Variants in SUGCT observed in about 807,000 individuals in gnomAD.
The protein encoded by SUGCT is succinyl-CoA:glutarate-CoA transferase.
In SUGCT, 41 loss-of-function variants were observed where a neutral mutation model predicts 55.0. The observed-to-expected ratio is 0.74, with a 90% CI of 0.58 to 0.97. The LOEUF is 0.97. Ranked by LOEUF, SUGCT falls within the 50% of genes least tolerant of loss-of-function variation. The pLI is 0.00. For missense variants in SUGCT, 568 were observed against 547.8 expected, an observed-to-expected ratio of 1.04 and a Z score of -0.37; for synonymous variants, 187 against 200.4, an observed-to-expected ratio of 0.93 and a Z score of 0.56.
At chr7:40,834,775 C>T (rs1179745078) in intron 13 of SUGCT, among the ~76,000 whole-genome samples, 1 of 152,134 alleles carries the variant, frequency 6.6e-6, no homozygotes, top group African/African-American at 2.4e-5. Context: ...TTTCTTTTAA[C>T]CGGCAAAAGA....
At chr7:40,861,418 C>A (rs918818829), downstream of SUGCT, among the ~76,000 whole-genome samples, 3 of 152,160 alleles carry the variant, frequency 2.0e-5, no homozygotes, top group Admixed American at 2.0e-4. Context: ...ATAAAAAACA[C>A]CTGTGTCCAG....
In SUGCT at chr7:40,263,746, A is replaced by C. The variant is rs140287400; in HGVS notation, c.577-10767A>C. 4.6e-5 allele frequency among the ~76,000 whole-genome samples: 7 copies of C among 152,322 alleles called. No homozygotes were observed. The East Asian group carries it at 1.2e-3, about 25-fold the overall frequency. ...TCAGGCACTTACAAGGGATCTGGAG[A>C]ATGACACAAATCACTTTGTTACATT... On this transcript the variant is annotated intron_variant, in intron 7 of 13. Coordinates refer to ENST00000335693, the MANE Select transcript of SUGCT (RefSeq NM_001193313.2).
At chr7:40,258,859 T>C (rs1791019231) in intron 7 of SUGCT, among the ~76,000 whole-genome samples, 1 of 152,116 alleles carries the variant, frequency 6.6e-6, no homozygotes, top group Non-Finnish European at 1.5e-5. Context: ...ATGAAATCAG[T>C]AATGTGGAAG....
At chr7:40,950,908 C>G in the SUGCT span, among the ~76,000 whole-genome samples, 1 of 152,112 alleles carries the variant, frequency 6.6e-6, no homozygotes, top group Admixed American at 6.6e-5. Flanking sequence ...GGATATTGGA[C>G]TACAATTCTC....
chr7:40,518,956 TAA>T (rs2151570047), intron 12 of SUGCT, among the ~76,000 whole-genome samples: 1 of 152,216 alleles, frequency 6.6e-6, no homozygotes, highest in East Asian at 1.9e-4. Context: ...GGGAATATAA[TAA>T]GTTTTCTTTA....
chr7:40,852,714 T>G (rs889688371), intron 13 of SUGCT, among the ~76,000 whole-genome samples: 2 of 151,872 alleles, frequency 1.3e-5, no homozygotes, highest in African/African-American at 4.8e-5. Context: ...AGCTTAAGGA[T>G]CATCTAATCA....
intron 9 of SUGCT, among the ~76,000 whole-genome samples, chr7:40,360,240 C>T (rs1489698479): frequency 6.6e-6 from 1 of 152,220 alleles, no homozygotes; most frequent in African/African-American, 2.4e-5. Flanking sequence ...TCTAGAACTC[C>T]TGATTTCAAG....
At chr7:40,334,256 G>C (rs961238798) in intron 9 of SUGCT, among the ~76,000 whole-genome samples, 3 of 152,124 alleles carry the variant, frequency 2.0e-5, no homozygotes, top group African/African-American at 7.2e-5. Context: ...ATTCCTTTGG[G>C]TATATACCCA....
chr7:40,536,114 G>T (rs748764833), intron 12 of SUGCT, among the ~76,000 whole-genome samples: 1 of 152,174 alleles, frequency 6.6e-6, no homozygotes, highest in African/African-American at 2.4e-5. Context: ...CTTCCATTGT[G>T]TAGGTTCTGT....
At chr7:40,389,491 G>A (rs1166321539) in intron 9 of SUGCT, among the ~76,000 whole-genome samples, 3 of 122,262 alleles carry the variant, frequency 2.5e-5, no homozygotes, top group Non-Finnish European at 3.5e-5. Context: ...AAGAGTTACC[G>A]AACATATACC....
intron 7 of SUGCT, among the ~76,000 whole-genome samples, chr7:40,249,014 G>C (rs1790125554): frequency 6.6e-6 from 1 of 151,636 alleles, no homozygotes; most frequent in Non-Finnish European, 1.5e-5. Flanking sequence ...CCCTGGGCTG[G>C]ATGTGGTGGC....
the SUGCT span, among the ~76,000 whole-genome samples, chr7:40,930,558 G>A: frequency 2.0e-5 from 3 of 152,136 alleles, no homozygotes; most frequent in African/African-American, 7.2e-5. Flanking sequence ...CATGAGCATG[G>A]AGTGTTCTTC....
chr7:40,564,783 C>T (rs1294945262), intron 12 of SUGCT, among the ~76,000 whole-genome samples: 1 of 152,196 alleles, frequency 6.6e-6, no homozygotes. Flanking sequence ...AATCAGATCT[C>T]CCTAATGGCA....
chr7:40,398,409 T>C (rs1785865197), intron 9 of SUGCT, among the ~76,000 whole-genome samples: 1 of 152,018 alleles, frequency 6.6e-6, no homozygotes. Flanking sequence ...CTCTATTTCT[T>C]GATAAGACAA....
intron 1 of SUGCT, among the ~76,000 whole-genome samples, chr7:40,155,013 G>T (rs1013065433): frequency 6.6e-6 from 1 of 152,180 alleles, no homozygotes; most frequent in African/African-American, 2.4e-5. Flanking sequence ...GAGGCAGGGC[G>T]TGGTGGCTCA....
chr7:40,710,115 A>G (rs1209017194), intron 12 of SUGCT, among the ~76,000 whole-genome samples: 2 of 152,206 alleles, frequency 1.3e-5, no homozygotes, highest in Non-Finnish European at 2.9e-5. Context: ...CTTCCTAAAA[A>G]AGAATTCCTA....
intron 1 of SUGCT, among the ~76,000 whole-genome samples, chr7:40,166,754 G>A (rs1784440982): frequency 2.0e-5 from 3 of 152,078 alleles, no homozygotes; most frequent in African/African-American, 4.8e-5. Flanking sequence ...AGGCATGGTG[G>A]TGGGTGCCTG....
chr7:40,916,997 G>A, the SUGCT span, among the ~76,000 whole-genome samples: 1 of 152,094 alleles, frequency 6.6e-6, no homozygotes, highest in Non-Finnish European at 1.5e-5. Context: ...AGGGCCCCAG[G>A]AACTGAATAT....
At chr7:40,290,954 A>C (rs1793707515) in intron 8 of SUGCT, among the ~76,000 whole-genome samples, 1 of 152,200 alleles carries the variant, frequency 6.6e-6, no homozygotes, top group South Asian at 2.1e-4. Flanking sequence ...AACCACAATG[A>C]GATACCACCT....
Sources: gnomAD v4.1 joint callset for allele counts (sites outside exome capture counted in the v4.1 genomes callset) on GRCh38, gnomAD v4.1.1 for gene constraint, MANE v1.5 for transcripts, NCBI Gene and HGNC (gene_info 2026-07-23, HGNC 2026-07-21) for gene names.